GEMIN5: variants seen among roughly 807,000 people sequenced by gnomAD.
The protein encoded by GEMIN5 is gem nuclear organelle associated protein 5.
GEMIN5 carries 124 observed loss-of-function variants against 176.9 expected under a neutral mutation model. The ratio of observed to expected loss-of-function variants is 0.70; its 90% CI spans 0.61 to 0.81. GEMIN5 has a LOEUF of 0.81. Ranked by LOEUF, GEMIN5 falls within the 40% of genes least tolerant of loss-of-function variation. The pLI is 0.00. For synonymous variants in GEMIN5, 673 were observed against 665.2 expected (o/e 1.01, Z -0.18); for missense variants, 1,843 against 1,814.6 (o/e 1.02, Z -0.28).
chr5:154,936,980 C>A, intron 2 of GEMIN5, 45 bp downstream of exon 2: 1 of 1,525,094 alleles, frequency 6.6e-7, no homozygotes, highest in Non-Finnish European at 9.0e-7. Context: ...GAACCCTCAG[C>A]ACAGATAGAT....
At position 154,888,250 on chromosome 5, in the gene GEMIN5, G is replaced by A. The variant is rs377274953; in HGVS notation, c.4487C>T (p.Thr1496Met). The A allele has an allele frequency of 2.8e-5, 46 of 1,614,060 alleles. 2 individuals are homozygous for A. In the East Asian group the frequency reaches 2.9e-4, roughly 10 times the overall value. ...AQELLQKYGN[T>M]KTYRRHCQTF... ...CTGGCAGTGTCTTCTGTAAGTTTTC[G>A]TGTTGCCGTATTTCTGAAGGAGCTC... The change falls in exon 28 of 28, where the codon ACG becomes ATG. Residue 1496 changes from threonine to methionine, a missense_variant. Physicochemically the swap from Thr to Met is moderately conservative, Grantham distance 81. Coordinates refer to ENST00000285873, the MANE Select transcript of GEMIN5 (RefSeq NM_015465.5).
chr5:154,907,528 C>G, intron 16 of GEMIN5, 63 bp downstream of exon 16: 1 of 1,164,568 alleles, frequency 8.6e-7, no homozygotes, highest in Non-Finnish European at 1.3e-6. Context: ...TGAGTAAGGA[C>G]CTAGCTTAGT....
At chr5:154,907,047 T>C (rs1209083509) in intron 16 of GEMIN5, among the ~76,000 whole-genome samples, 3 of 152,212 alleles carry the variant, frequency 2.0e-5, no homozygotes, top group African/African-American at 4.8e-5. Context: ...GATAGAACAC[T>C]GTTTTGTGAG....
In GEMIN5 at chr5:154,907,816, T is replaced by G. The variant is rs747383374; in HGVS notation, c.2170A>C (p.Lys724Gln). Reference protein sequence around the residue: ...MQDHSRPPQGKKSIELEKKRL... With the variant: ...MQDHSRPPQGQKSIELEKKRL... ...TTTTTCTCCAATTCAATACTTTTTT[T>G]GCCTACAAGAATCACAATAAAGGAC... The change falls in exon 16 of 28, where the codon AAA becomes CAA. Residue 724 changes from lysine (K) to glutamine (Q), a missense_variant and splice_region_variant. Transcript: ENST00000285873. The G allele has an allele frequency of 6.2e-7, 1 of 1,611,200 alleles. No individual in the cohort carries two copies. The highest frequency in any genetic ancestry group is 8.5e-7 in the Non-Finnish European group (1 of 1,178,054).
chr5:154,920,084 A>G lies in GEMIN5; in HGVS notation c.1482T>C (p.Pro494=), dbSNP rs375854504. The G allele has an allele frequency of 3.1e-6, 5 of 1,612,526 alleles. No homozygotes were observed. The African/African-American group carries it at 6.7e-5, about 22-fold the overall frequency. ...PMSLGGEGDR[P]SLALYSCGGE... is the part of the protein sequence containing the mutation. Reference sequence around the variant, plus strand: ...CTCCACAGCTGTATAAAGCAAGGGAAGGTCTGTCTCCTTCTCCTCCTGTAT... The same window carrying G: ...CTCCACAGCTGTATAAAGCAAGGGAGGGTCTGTCTCCTTCTCCTCCTGTAT... Residue 494 remains proline, a synonymous_variant, in exon 11 of 28, where the codon CCT becomes CCC. Transcript: ENST00000285873.
intron 15 of GEMIN5, among the ~76,000 whole-genome samples, chr5:154,908,171 CCT>C (rs1491143315): frequency 7.9e-5 from 7 of 88,706 alleles, no homozygotes; most frequent in African/African-American, 2.7e-4. Context: ...ACCCAGATGT[CCT>C]TTTTTTTTTT....
intron 3 of GEMIN5, among the ~76,000 whole-genome samples, chr5:154,935,578 C>T (rs982309717): frequency 6.6e-6 from 1 of 152,086 alleles, no homozygotes; most frequent in Non-Finnish European, 1.5e-5. Flanking sequence ...TGAAAGAGGA[C>T]ATTTCCTACA....
chr5:154,927,654 G>T, intron 6 of GEMIN5, 104 bp from the exon 7 acceptor site: 1 of 839,742 alleles, frequency 1.2e-6, no homozygotes, highest in Non-Finnish European at 1.8e-6. Context: ...ATTTGTTGTC[G>T]TTTAAGGAGA....
intron 15 of GEMIN5, among the ~76,000 whole-genome samples, chr5:154,909,620 C>T (rs72799513): frequency 0.061 from 9,281 of 152,096 alleles, 306 homozygotes; most frequent in Middle Eastern, 0.085. Flanking sequence ...GTAAGATATA[C>T]CCCCTGCTTG....
chr5:154,931,647 C>G, intron 4 of GEMIN5, 70 bp from the exon 5 acceptor site: 1 of 1,306,498 alleles, frequency 7.7e-7, no homozygotes, highest in East Asian at 2.4e-5. Context: ...AATTAGTTTG[C>G]AAGAGTTTCC....
chr5:154,899,913 A>G (rs910509870), intron 21 of GEMIN5, among the ~76,000 whole-genome samples: 4 of 151,980 alleles, frequency 2.6e-5, no homozygotes, highest in Non-Finnish European at 4.4e-5. Flanking sequence ...CTGCTTTTTC[A>G]TAGAACCTTC....
intron 13 of GEMIN5, among the ~76,000 whole-genome samples, chr5:154,914,696 T>C (rs1763777787): frequency 1.3e-5 from 2 of 152,142 alleles, no homozygotes; most frequent in African/African-American, 2.4e-5. Flanking sequence ...CTTCCTGCCA[T>C]GGTCTCCTCA....
In GEMIN5 at chr5:154,909,808, G is replaced by A. The variant is rs560806288; in HGVS notation, c.2167+1919C>T. Reference sequence around the variant, plus strand: ...AGCCTAGCCAACATGGTGAATCCCTGTCTCTACTAAAAACACAAACAATTA... The same window carrying A: ...AGCCTAGCCAACATGGTGAATCCCTATCTCTACTAAAAACACAAACAATTA... On this transcript the variant is annotated intron_variant, in intron 15 of 27. Transcript: ENST00000285873. Among the ~76,000 whole-genome samples the A allele has an allele frequency of 1.8e-4, 27 of 152,138 alleles. 1 individual carries two copies. The highest frequency in any genetic ancestry group is 6.0e-4 in the African/African-American group (25 of 41,520).
At chr5:154,931,021 T>A (rs1430859376) in intron 5 of GEMIN5, among the ~76,000 whole-genome samples, 1 of 152,238 alleles carries the variant, frequency 6.6e-6, no homozygotes, top group Non-Finnish European at 1.5e-5. Flanking sequence ...GCTAAATGAT[T>A]GAGGGGCTCT....
Position 154,903,105 on chromosome 5 carries a change from GGTAGCCCT to G in GEMIN5, c.2695_2702del (p.Arg899ProfsTer3). 6.2e-7 allele frequency: 1 copy of G among 1,606,314 alleles called. No homozygotes were observed. Among genetic ancestry groups the G allele is most frequent in the Non-Finnish European group, 8.5e-7 (1 of 1,173,080 alleles). On this transcript the variant is annotated frameshift_variant, in exon 19 of 28. Transcript: ENST00000285873. LOFTEE classifies it high-confidence loss of function. ...CTTCAATATCAATCATTCTATACAG[GGTAGCCCT>G]GTCTGTGAAAAGCCCCAGATGAAAT...
Position 154,904,524 on chromosome 5 carries a change from G to A in GEMIN5, c.2615C>T (p.Thr872Ile). The change falls in exon 18 of 28, where the codon ACT (threonine) becomes ATT (isoleucine). Residue 872 changes from threonine to isoleucine, a missense_variant. Thr to Ile is a moderately conservative substitution (Grantham distance 89). Transcript: ENST00000285873. The part of the protein sequence containing the change: ...ELHQDCLVLA[T>I]AKHSRELNED... ...TTTTGTACCTCTGGAGTGCTTTGCA[G>A]TTGCTAGTACCAAACAGTCCTGATG... 1.2e-6 allele frequency: 2 copies of A among 1,613,704 alleles called. No homozygotes were observed. Among genetic ancestry groups the A allele is most frequent in the South Asian group, 1.1e-5 (1 of 91,082 alleles).
In GEMIN5 at chr5:154,911,849, C is replaced by T. The variant is rs1974777; in HGVS notation, c.2045G>A (p.Arg682Gln). ...CCATGCCACACAAAGCAGTCGACCT[C>T]GATGTCCTCGGAAATTGCACAGGGG... is the stretch of plus-strand genomic sequence containing the variant. ...EEPLCNFRGH[R>Q]GRLLCVAWSP... Residue 682 changes from arginine to glutamine, a missense_variant, in exon 15 of 28, where the codon CGA (arginine) becomes CAA (glutamine). Coordinates refer to ENST00000285873, the MANE Select transcript of GEMIN5 (RefSeq NM_015465.5). 0.89 allele frequency: 1,440,458 copies of T among 1,613,736 alleles called. 645,451 individuals are homozygous for T. Among genetic ancestry groups the T allele is most frequent in the Non-Finnish European group, 0.91 (1,077,644 of 1,179,798 alleles).
At chr5:154,932,615 T>C (rs1473816096) in intron 3 of GEMIN5, among the ~76,000 whole-genome samples, 1 of 152,106 alleles carries the variant, frequency 6.6e-6, no homozygotes, top group South Asian at 2.1e-4. Flanking sequence ...CAGGCTGGAG[T>C]GCAGTGGCAC....
chr5:154,888,477 C>A, intron 27 of GEMIN5, 100 bp from the exon 28 acceptor site: 1 of 936,322 alleles, frequency 1.1e-6, no homozygotes, highest in Non-Finnish European at 1.6e-6. Context: ...TCTATAGACA[C>A]TTCTTGGACA....
Sources: allele counts gnomAD v4.1 joint callset (sites outside exome capture counted in the v4.1 genomes callset), GRCh38; gene constraint gnomAD v4.1.1; transcripts MANE v1.5; gene names NCBI Gene and HGNC (gene_info 2026-07-23, HGNC 2026-07-21).